The following MAGI1 variants were observed in gnomAD, a reference collection of about 807,000 sequenced individuals.
MAGI1 encodes the protein membrane-associated guanylate kinase, WW and PDZ domain-containing protein 1.
In MAGI1, 58 loss-of-function variants were observed where a neutral mutation model predicts 139.9. The ratio of observed to expected loss-of-function variants is 0.41; its 90% CI spans 0.34 to 0.52. MAGI1 has a LOEUF of 0.52. Among genes scored for constraint, MAGI1 ranks in the 20% least tolerant of loss-of-function variants. The probability of loss-of-function intolerance (pLI) is 0.12; values close to 1 mark genes in which losing one functional copy is unlikely to be tolerated. For missense variants in MAGI1, 1,874 were observed against 1,901.6 expected (o/e 0.99, Z 0.27); for synonymous variants, 812 against 737.9 (o/e 1.10, Z -1.63).
At chr3:65,541,831 A>C (rs1391406805) in intron 2 of MAGI1, among the ~76,000 whole-genome samples, 2 of 152,158 alleles carry the variant, frequency 1.3e-5, no homozygotes, top group Non-Finnish European at 2.9e-5. Flanking sequence ...ATGGGCAAAA[A>C]CTGGAAGCAT....
Position 65,726,480 on chromosome 3 carries a change from G to T in MAGI1, c.314-104392C>A, listed in dbSNP as rs552452969. Among the ~76,000 whole-genome samples, 218 of 152,302 alleles carry T rather than the reference G, an allele frequency of 1.4e-3. 1 individual carries two copies. Among genetic ancestry groups the T allele is most frequent in the Non-Finnish European group, 1.7e-3 (115 of 68,030 alleles). On this transcript the variant is annotated intron_variant, in intron 1 of 22. Coordinates refer to ENST00000402939, the MANE Select transcript of MAGI1 (RefSeq NM_001033057.2). ...AAACCTTTGAAAATCACACAGCAAG[G>T]CAGGCATATATTGCCCTATTTTTGT...
intron 1 of MAGI1, among the ~76,000 whole-genome samples, chr3:65,760,510 T>C (rs547621940): frequency 4.6e-5 from 7 of 151,834 alleles, no homozygotes; most frequent in African/African-American, 1.4e-4. Context: ...CACAGGAATA[T>C]AGAAGATAGG....
In MAGI1 at chr3:65,381,886, C is replaced by A. The variant is rs759574344; in HGVS notation, c.2692G>T (p.Val898Phe). ...TGAATGAAATACATACCCGCAAAAA[C>A]CACTTTACGCCGCACCGTGAGATTG... Reference protein sequence around the residue: ...HVNLTVRRKVVFAVPKTENEV... With the variant: ...HVNLTVRRKVFFAVPKTENEV... The change falls in exon 16 of 23, where the codon GTT becomes TTT. Residue 898 changes from valine (V) to phenylalanine (F), a missense_variant. This residue lies in a region of MAGI1 where 482 missense variants were observed against 509.6 expected (regional missense o/e 0.95). Coordinates refer to ENST00000402939, the MANE Select transcript of MAGI1 (RefSeq NM_001033057.2). 3 of 1,609,712 alleles carry A rather than the reference C, an allele frequency of 1.9e-6. No individual in the cohort carries two copies. Among genetic ancestry groups the A allele is most frequent in the East Asian group, 2.2e-5 (1 of 44,828 alleles).
chr3:65,456,760 C>G (rs1420236918), intron 5 of MAGI1, among the ~76,000 whole-genome samples: 1 of 152,068 alleles, frequency 6.6e-6, no homozygotes, highest in Non-Finnish European at 1.5e-5. Flanking sequence ...GCTCTTGGAC[C>G]ATTTACTGAA....
chr3:65,726,997 G>T (rs2033693291), intron 1 of MAGI1, among the ~76,000 whole-genome samples: 1 of 150,912 alleles, frequency 6.6e-6, no homozygotes, highest in Admixed American at 6.6e-5. Flanking sequence ...AAACACTTCT[G>T]GTCCCAAGCA....
intron 22 of MAGI1, chr3:65,359,369 T>G: frequency 7.4e-7 from 1 of 1,356,246 alleles, no homozygotes; most frequent in Non-Finnish European, 9.5e-7. Flanking sequence ...GTGACATTTT[T>G]AGACAGCCAT....
At chr3:65,378,286 C>CA (rs1942725724) in intron 17 of MAGI1, among the ~76,000 whole-genome samples, 1 of 152,130 alleles carries the variant, frequency 6.6e-6, no homozygotes. Context: ...TGTGTTTCTC[C>CA]ATACTTTGCT....
intron 1 of MAGI1, among the ~76,000 whole-genome samples, chr3:65,868,903 T>C (rs2059819512): frequency 6.6e-6 from 1 of 152,140 alleles, no homozygotes; most frequent in African/African-American, 2.4e-5. Context: ...GCTACCTGCC[T>C]GGACATTTTC....
intron 1 of MAGI1, among the ~76,000 whole-genome samples, chr3:65,887,082 T>C (rs1404346135): frequency 6.6e-6 from 1 of 152,150 alleles, no homozygotes; most frequent in African/African-American, 2.4e-5. Context: ...ATAGTCTAAG[T>C]TGAAACCAAG....
chr3:65,670,807 T>C (rs1576668437), intron 1 of MAGI1, among the ~76,000 whole-genome samples: 1 of 152,158 alleles, frequency 6.6e-6, no homozygotes, highest in African/African-American at 2.4e-5. Context: ...TCTTACTAGA[T>C]ATAAACAGAA....
intron 1 of MAGI1, among the ~76,000 whole-genome samples, chr3:65,652,400 T>C (rs1433011734): frequency 1.3e-5 from 2 of 152,168 alleles, no homozygotes; most frequent in Non-Finnish European, 2.9e-5. Context: ...TAATTCTTTG[T>C]TGTTGGGAGA....
intron 1 of MAGI1, among the ~76,000 whole-genome samples, chr3:65,654,916 T>C (rs1042653286): frequency 6.6e-6 from 1 of 152,246 alleles, no homozygotes; most frequent in African/African-American, 2.4e-5. Flanking sequence ...AGTTTAAGCA[T>C]AGATTGCCTA....
chr3:66,027,626 T>C (rs1268710884), intron 1 of MAGI1, among the ~76,000 whole-genome samples: 2 of 152,250 alleles, frequency 1.3e-5, no homozygotes, highest in Non-Finnish European at 1.5e-5. Context: ...TAAGCTCATC[T>C]ACCTAGACAA....
chr3:65,476,111 T>C (rs1216068332), intron 4 of MAGI1, among the ~76,000 whole-genome samples: 4 of 152,002 alleles, frequency 2.6e-5, no homozygotes, highest in African/African-American at 9.7e-5. Context: ...GAACACAAAA[T>C]GCTTTGATAC....
chr3:65,654,769 G>A (rs1248205515), intron 1 of MAGI1, among the ~76,000 whole-genome samples: 2 of 152,180 alleles, frequency 1.3e-5, no homozygotes, highest in East Asian at 1.9e-4. Context: ...GGCATGAAGT[G>A]AACATCTGTG....
intron 12 of MAGI1, among the ~76,000 whole-genome samples, chr3:65,429,079 G>C (rs1301719114): frequency 2.0e-5 from 3 of 152,078 alleles, no homozygotes; most frequent in Non-Finnish European, 2.9e-5. Context: ...AGGCTATGCA[G>C]GCCAAGTTCA....
chr3:65,387,102 G>C (rs751021258), intron 14 of MAGI1: 2 of 1,534,692 alleles, frequency 1.3e-6, no homozygotes, highest in Non-Finnish European at 1.8e-6. Flanking sequence ...CAAACAAGAT[G>C]AATGAAAACG....
At position 65,401,608 on chromosome 3, in the gene MAGI1, A is replaced by G. The variant is rs776754656; in HGVS notation, c.2168-138T>C. The G allele has an allele frequency of 8.2e-5, 127 of 1,550,914 alleles. 3 individuals are homozygous for G. In the South Asian group the frequency reaches 1.5e-3, roughly 18 times the overall value. The stretch of plus-strand genomic sequence containing the variant: ...GAGTTATGTCAGATTTCTCCCCAGC[A>G]TCGGAGTTACCAGGCTGTTCATATC... On this transcript the variant is annotated intron_variant, in intron 12 of 22. Coordinates refer to ENST00000402939, the MANE Select transcript of MAGI1 (RefSeq NM_001033057.2).
chr3:65,523,944 G>A (rs1484384251), intron 2 of MAGI1, among the ~76,000 whole-genome samples: 1 of 152,044 alleles, frequency 6.6e-6, no homozygotes, highest in African/African-American at 2.4e-5. Flanking sequence ...AAATTCAAAC[G>A]CAAAGATCAC....
Sources: gnomAD v4.1 joint callset for allele counts (sites outside exome capture counted in the v4.1 genomes callset) on GRCh38, gnomAD v4.1.1 for gene constraint, gnomAD v4.1.1 regional missense constraint, MANE v1.5 for transcripts, NCBI Gene and HGNC (gene_info 2026-07-23, HGNC 2026-07-21) for gene names.